The following PCBP3 variants were observed in gnomAD, a reference collection of about 807,000 sequenced individuals.
The protein encoded by PCBP3 is poly(rC) binding protein 3, also known as poly(rC)-binding protein 3.
PCBP3 carries 25 observed loss-of-function variants against 52.7 expected under a neutral mutation model. That is an observed-to-expected ratio of 0.47 (90% CI 0.35 to 0.66). PCBP3 has a LOEUF of 0.66. Ranked by LOEUF, PCBP3 falls within the 30% of genes least tolerant of loss-of-function variation. The pLI, the probability that PCBP3 is intolerant of heterozygous loss-of-function variation, is 0.01. For synonymous variants in PCBP3, 162 were observed against 183.0 expected, an observed-to-expected ratio of 0.89 and a Z score of 0.93; for missense variants, 391 against 490.3, an observed-to-expected ratio of 0.80 and a Z score of 1.91.
chr21:45,758,361 T>G (rs2088279378), intron 4 of PCBP3, among the ~76,000 whole-genome samples: 1 of 152,248 alleles, frequency 6.6e-6, no homozygotes. Flanking sequence ...ATGGCAGATC[T>G]GACAGTGATT....
intron 5 of PCBP3, among the ~76,000 whole-genome samples, chr21:45,877,401 A>G (rs2095288969): frequency 6.6e-6 from 1 of 152,236 alleles, no homozygotes; most frequent in Non-Finnish European, 1.5e-5. Flanking sequence ...TATTCATTTT[A>G]CTAGCATTCT....
chr21:45,759,150 T>C (rs1396919773), intron 4 of PCBP3, among the ~76,000 whole-genome samples: 4 of 152,174 alleles, frequency 2.6e-5, no homozygotes, highest in Non-Finnish European at 4.4e-5. Flanking sequence ...TTTGTATAGG[T>C]TTGCTGTTAA....
chr21:45,857,143 C>A (rs117561315), intron 5 of PCBP3, among the ~76,000 whole-genome samples: 7,496 of 152,252 alleles, frequency 0.049, 255 homozygotes, highest in Non-Finnish European at 0.078. Context: ...AAAGATCAAG[C>A]TATGTTAATA....
rs528304738 is a variant in PCBP3, at chr21:45,827,237, C to A, written c.-125-22724C>A. 6.6e-6 allele frequency among the ~76,000 whole-genome samples: 1 copy of A among 152,288 alleles called. No homozygotes were observed. Among genetic ancestry groups the A allele is most frequent in the African/African-American group, 2.4e-5 (1 of 41,562 alleles). ...TGAGGCCAGGGGCGGAACCTAGATG[C>A]CTCTTCTAACCTGGCGGCAATGAGG... On this transcript the variant is annotated intron_variant, in intron 4 of 17. Transcript: ENST00000681687. This position sits in a 1 kb window ranked among gnomAD's most constrained non-coding sequence, Gnocchi z 4.3.
chr21:45,770,600 G>A (rs2089783357), intron 4 of PCBP3, among the ~76,000 whole-genome samples: 1 of 152,326 alleles, frequency 6.6e-6, no homozygotes, highest in South Asian at 2.1e-4. Context: ...CAGCGTGCAT[G>A]TATGGACATT....
intron 4 of PCBP3, chr21:45,761,090 A>C (rs2088604482): frequency 6.6e-6 from 1 of 152,074 alleles, no homozygotes; most frequent in Non-Finnish European, 1.5e-5. Context: ...AAAAAAAAAA[A>C]AGTTCCGTGG....
intron 4 of PCBP3, among the ~76,000 whole-genome samples, chr21:45,767,932 C>T (rs577114703): frequency 1.3e-5 from 2 of 152,376 alleles, no homozygotes; most frequent in East Asian, 1.9e-4. Context: ...ACAGATCCTG[C>T]TGTTGTTTAG....
chr21:45,663,405 G>T (rs568948682), intron 1 of PCBP3, among the ~76,000 whole-genome samples: 80 of 152,180 alleles, frequency 5.3e-4, no homozygotes, highest in African/African-American at 1.7e-3. Context: ...TCTTTGTCTT[G>T]TGTCTTTATT....
chr21:45,782,581 A>G (rs1158693719), intron 4 of PCBP3, among the ~76,000 whole-genome samples: 1 of 152,244 alleles, frequency 6.6e-6, no homozygotes, highest in Non-Finnish European at 1.5e-5. Flanking sequence ...ATGTCATGTA[A>G]TGAGCATCCC....
chr21:45,690,717 C>T (rs950714698), intron 2 of PCBP3, among the ~76,000 whole-genome samples: 2 of 152,020 alleles, frequency 1.3e-5, no homozygotes, highest in Non-Finnish European at 2.9e-5. Flanking sequence ...AAAAGATGCT[C>T]ATCATCATTA....
At chr21:45,852,755 T>C (rs1190894930) in intron 5 of PCBP3, among the ~76,000 whole-genome samples, 1 of 152,262 alleles carries the variant, frequency 6.6e-6, no homozygotes, top group Non-Finnish European at 1.5e-5. Flanking sequence ...GTGACTTTTG[T>C]TCAGAAGGAA....
At position 45,821,603 on chromosome 21, in the gene PCBP3, A is replaced by C; in HGVS notation, c.-125-28358A>C. On this transcript the variant is annotated intron_variant, in intron 4 of 17. Coordinates refer to ENST00000681687, the MANE Select transcript of PCBP3 (RefSeq NM_001384156.1). This position sits in a 1 kb window ranked among gnomAD's most constrained non-coding sequence, Gnocchi z 4.4. ...ACTCATTTCTAGAACTCTCTTCCTC[A>C]CCTGTCTCCCTGGTTCTTGTTCTGG... is the stretch of plus-strand genomic sequence containing the variant. Among the ~76,000 whole-genome samples, 6 of 143,590 alleles carry C rather than the reference A, an allele frequency of 4.2e-5. No individual in the cohort carries two copies. Among genetic ancestry groups the C allele is most frequent in the African/African-American group, 5.2e-5 (2 of 38,230 alleles). The allele number at this position is 143,590 out of a possible 152,430, so 94.2% of individuals were successfully genotyped here. A position where few individuals can be genotyped will look rare whatever the true frequency, so the allele number is the denominator to read the frequency against.
At chr21:45,918,573 G>A (rs200672604) in intron 13 of PCBP3, 2 of 128,908 alleles carry the variant, frequency 1.6e-5, no homozygotes, top group East Asian at 2.0e-4. Context: ...ATAAACGGTC[G>A]GTGTAATTCC....
At chr21:45,844,612 C>T (rs774478042) in intron 4 of PCBP3, among the ~76,000 whole-genome samples, 68 of 152,032 alleles carry the variant, frequency 4.5e-4, no homozygotes, top group Non-Finnish European at 7.6e-4. Context: ...GTGCTCCCCG[C>T]GGCATGGTTC....
intron 4 of PCBP3, among the ~76,000 whole-genome samples, chr21:45,825,146 C>G (rs2093273316): frequency 6.6e-6 from 1 of 152,074 alleles, no homozygotes; most frequent in Non-Finnish European, 1.5e-5. Context: ...AGCTGTGATG[C>G]CAAGCCCTTG....
chr21:45,926,905 A>G (rs938457398), intron 13 of PCBP3, among the ~76,000 whole-genome samples: 15 of 152,334 alleles, frequency 9.8e-5, no homozygotes, highest in Middle Eastern at 3.4e-3. Context: ...ATAAGACACC[A>G]TGGGAGAGCG....
chr21:45,794,800 G>T (rs1014372692), intron 4 of PCBP3, among the ~76,000 whole-genome samples: 3 of 152,092 alleles, frequency 2.0e-5, no homozygotes, highest in African/African-American at 7.2e-5. Flanking sequence ...GTGGTGGCAG[G>T]TGCCTGTAGT....
At chr21:45,929,179 C>T (rs940181099) in intron 13 of PCBP3, among the ~76,000 whole-genome samples, 2 of 152,216 alleles carry the variant, frequency 1.3e-5, no homozygotes, top group Admixed American at 6.5e-5. Context: ...AGTCTTGTGG[C>T]CCGAGGATGG....
chr21:45,852,834 A>T lies in PCBP3; in HGVS notation c.10+2739A>T, dbSNP rs12626896. Among the ~76,000 whole-genome samples, 13 of 152,378 alleles carry T rather than the reference A, an allele frequency of 8.5e-5. No individual in the cohort carries two copies. The East Asian group carries it at 2.5e-3, about 29-fold the overall frequency. ...CAGACCTCTGACTTCTGGAAATAGAAGATAATAAATTTGTGATGTAATTTG... is the reference window on the plus strand; with the variant it reads ...CAGACCTCTGACTTCTGGAAATAGATGATAATAAATTTGTGATGTAATTTG... On this transcript the variant is annotated intron_variant, in intron 5 of 17. Coordinates refer to ENST00000681687, the MANE Select transcript of PCBP3 (RefSeq NM_001384156.1).
Sources: allele counts gnomAD v4.1 joint callset (sites outside exome capture counted in the v4.1 genomes callset), GRCh38; gene constraint gnomAD v4.1.1; non-coding constraint Gnocchi (gnomAD v3.1); transcripts MANE v1.5; gene names NCBI Gene and HGNC (gene_info 2026-07-23, HGNC 2026-07-21).